The following AGTPBP1 variants were observed in gnomAD, a reference collection of about 807,000 sequenced individuals.
AGTPBP1 encodes cytosolic carboxypeptidase 1.
In AGTPBP1, 70 loss-of-function variants were observed where a neutral mutation model predicts 143.9. The ratio of observed to expected loss-of-function variants is 0.49; its 90% confidence interval spans 0.40 to 0.59. AGTPBP1 has a LOEUF of 0.59. Ranked by LOEUF, AGTPBP1 falls within the 20% of genes least tolerant of loss-of-function variation. The pLI, the probability that AGTPBP1 is intolerant of heterozygous loss-of-function variation, is 0.00. For synonymous variants in AGTPBP1, 463 were observed against 500.2 expected, an observed-to-expected ratio of 0.93 and a Z score of 0.99; for missense variants, 1,229 against 1,464.5, an observed-to-expected ratio of 0.84 and a Z score of 2.62.
At chr9:85,642,568 G>A (rs930168364) in intron 13 of AGTPBP1, among the ~76,000 whole-genome samples, 3 of 151,032 alleles carry the variant, frequency 2.0e-5, no homozygotes, top group African/African-American at 4.9e-5. Flanking sequence ...TCCTGACCTC[G>A]TGATCCACAT....
chr9:85,801,259 C>T, the AGTPBP1 span, among the ~76,000 whole-genome samples: 4 of 152,262 alleles, frequency 2.6e-5, no homozygotes, highest in East Asian at 7.7e-4. Context: ...TTGCAGTGAG[C>T]CGAGACTGCA....
chr9:85,741,821 C>A lies in AGTPBP1; in HGVS notation c.-80G>T, dbSNP rs1193341829. ...CGGGGACCGCGCAGAGCCGCAGCAC[C>A]CGGCTCAGCACCTGGATCACGGCGG... On this transcript the variant is annotated 5_prime_UTR_variant, in exon 1 of 26. Coordinates refer to ENST00000357081, the MANE Select transcript of AGTPBP1 (RefSeq NM_001330701.2). 1.4e-6 allele frequency: 2 copies of A among 1,394,068 alleles called. No individual in the cohort carries two copies. Among genetic ancestry groups the A allele is most frequent in the Non-Finnish European group, 1.9e-6 (2 of 1,075,568 alleles). 86.4% of individuals were successfully genotyped at this position (1,394,068 alleles called of 1,614,324 possible).
the AGTPBP1 span, among the ~76,000 whole-genome samples, chr9:85,790,121 A>G: frequency 4.6e-5 from 7 of 152,194 alleles, no homozygotes; most frequent in Admixed American, 4.6e-4. Context: ...GCCTTGATTA[A>G]CACTGATAAT....
rs1423667457 is a variant in AGTPBP1, at chr9:85,633,354, T to G, written c.1323A>C (p.Lys441Asn). 6.3e-7 allele frequency: 1 copy of G among 1,576,184 alleles called. No individual in the cohort carries two copies. The highest frequency in any genetic ancestry group is 8.6e-7 in the Non-Finnish European group (1 of 1,168,298). ...DDFQDYDLIS[K>N]EPKPFVFEGK... is the part of the protein sequence containing the mutation. ...CCTCAAATACAAAAGGCTTTGGTTC[T>G]TTGGAGATTAAATCATAGTCCTTTG... The change falls in exon 14 of 26, where the codon AAA becomes AAC. Residue 441 changes from lysine to asparagine, a missense_variant. Physicochemically the swap from Lys to Asn is moderately conservative, Grantham distance 94 (BLOSUM62 0). Around this residue, in one of 2 missense-constraint regions of AGTPBP1, gnomAD observed 743 missense variants for 812.2 expected, o/e 0.91. Transcript: ENST00000357081.
rs1209926386 is a variant in AGTPBP1 at position 85,589,599 on chromosome 9, C to A, written c.2651G>T (p.Gly884Val). 1.2e-6 allele frequency: 2 copies of A among 1,613,604 alleles called. No homozygotes were observed. Among genetic ancestry groups the A allele is most frequent in the Non-Finnish European group, 1.7e-6 (2 of 1,179,690 alleles). Residue 884 changes from glycine to valine, a missense_variant, in exon 20 of 26, where the codon GGA becomes GTA. Physicochemically the swap from Gly to Val is moderately radical, Grantham distance 109. Around this residue, in one of 2 missense-constraint regions of AGTPBP1, gnomAD observed 486 missense variants for 652.3 expected, o/e 0.75. Transcript: ENST00000357081. ...TATAGTCACCAAGGGGCAGCTGTTT[C>A]CAGACAGGGTTTCACATAACACATC... ...RKDVLCETLS[G>V]NSCPLVTITA...
At chr9:85,667,884 T>C (rs1162583039) in intron 8 of AGTPBP1, among the ~76,000 whole-genome samples, 3 of 138,436 alleles carry the variant, frequency 2.2e-5, no homozygotes, top group Non-Finnish European at 3.0e-5. Context: ...ATTGAAGCCC[T>C]GAACAAGCAA....
intron 17 of AGTPBP1, 80 bp downstream of exon 17, chr9:85,618,903 G>A: frequency 7.0e-7 from 1 of 1,432,296 alleles, no homozygotes; most frequent in African/African-American, 1.4e-5. Flanking sequence ...TTTAAAAGTT[G>A]ACAATTTTTT....
chr9:85,556,748 A>G (rs903670609), intron 25 of AGTPBP1, among the ~76,000 whole-genome samples: 7 of 152,192 alleles, frequency 4.6e-5, no homozygotes, highest in African/African-American at 1.4e-4. Context: ...AAAGAGATCA[A>G]TCCACCAGAA....
At chr9:85,718,874 G>A (rs989791006) in intron 1 of AGTPBP1, among the ~76,000 whole-genome samples, 1 of 152,126 alleles carries the variant, frequency 6.6e-6, no homozygotes, top group Non-Finnish European at 1.5e-5. Flanking sequence ...TCCAGTTTCA[G>A]CTTTCTACAT....
chr9:85,762,083 A>C, the AGTPBP1 span, among the ~76,000 whole-genome samples: 2 of 152,192 alleles, frequency 1.3e-5, no homozygotes, highest in East Asian at 3.8e-4. Flanking sequence ...ACCATCTCAC[A>C]CCAGTTAGAA....
intron 17 of AGTPBP1, among the ~76,000 whole-genome samples, chr9:85,609,426 G>A (rs1464605145): frequency 6.6e-6 from 1 of 152,004 alleles, no homozygotes; most frequent in Non-Finnish European, 1.5e-5. Context: ...AGGTAGCTGG[G>A]ATTACATGCA....
At chr9:85,694,118 G>A (rs1836075939) in intron 2 of AGTPBP1, among the ~76,000 whole-genome samples, 2 of 152,306 alleles carry the variant, frequency 1.3e-5, no homozygotes, top group South Asian at 4.1e-4. Flanking sequence ...TAAGGACTTT[G>A]GCTTTTACAA....
chr9:85,750,770 G>A, the AGTPBP1 span, among the ~76,000 whole-genome samples: 1 of 152,212 alleles, frequency 6.6e-6, no homozygotes, highest in African/African-American at 2.4e-5. Flanking sequence ...ATAACTTGCA[G>A]TTTGATCTTG....
At chr9:85,599,763 T>C (rs1564051153) in intron 17 of AGTPBP1, among the ~76,000 whole-genome samples, 1 of 152,234 alleles carries the variant, frequency 6.6e-6, no homozygotes, top group Non-Finnish European at 1.5e-5. Context: ...ATGCAGTTTG[T>C]TGGCAGTGAC....
At chr9:85,757,015 A>C in the AGTPBP1 span, among the ~76,000 whole-genome samples, 1 of 152,054 alleles carries the variant, frequency 6.6e-6, no homozygotes. Context: ...GGGGGGGTGA[A>C]GAAAATGTAA....
intron 14 of AGTPBP1, among the ~76,000 whole-genome samples, chr9:85,627,690 C>G (rs773493970): frequency 2.1e-4 from 32 of 152,154 alleles, no homozygotes; most frequent in Non-Finnish European, 4.1e-4. Flanking sequence ...GCAGGAAGAC[C>G]AACCTATCCT....
chr9:85,795,639 T>C, the AGTPBP1 span, among the ~76,000 whole-genome samples: 15 of 152,214 alleles, frequency 9.9e-5, 1 homozygote, highest in South Asian at 1.7e-3. Flanking sequence ...GGTAAAAATA[T>C]AGAGGGTACT....
Position 85,655,320 on chromosome 9 carries a change from C to A in AGTPBP1, c.910G>T (p.Glu304Ter), listed in dbSNP as rs1477684721. Residue 304 changes from glutamate to a stop codon, truncating the protein, a stop_gained and splice_region_variant, in exon 11 of 26, where the codon GAA (glutamate) becomes TAA (stop). Coordinates refer to ENST00000357081, the MANE Select transcript of AGTPBP1 (RefSeq NM_001330701.2). LOFTEE classifies it high-confidence loss of function. The stretch of plus-strand genomic sequence containing the variant: ...TCCAGAGTCCTGACTGCCAGACATT[C>A]CTGTTTTTTAAAAAAAGAAAAAGAA... ...GMKILYNTSQ[E>*]CLAVRTLDPL... 2 of 1,479,814 alleles carry A rather than the reference C, an allele frequency of 1.4e-6. No homozygotes were observed. The highest frequency in any genetic ancestry group is 1.4e-5 in the South Asian group (1 of 72,972). The allele number at this position is 1,479,814 out of a possible 1,614,324, so 91.7% of individuals were successfully genotyped here.
chr9:85,650,314 T>G (rs1429975961), intron 11 of AGTPBP1, among the ~76,000 whole-genome samples: 4 of 152,160 alleles, frequency 2.6e-5, no homozygotes, highest in African/African-American at 9.7e-5. Context: ...TTCTTCTGCC[T>G]CTGTCACTCC....
Sources: allele counts gnomAD v4.1 joint callset (sites outside exome capture counted in the v4.1 genomes callset), GRCh38; gene constraint gnomAD v4.1.1; regional missense constraint gnomAD v4.1.1; transcripts MANE v1.5; gene names NCBI Gene and HGNC (gene_info 2026-07-23, HGNC 2026-07-21).